Variants in PCDH9 observed in about 807,000 individuals in gnomAD.
The protein encoded by PCDH9 is protocadherin-9.
Under a neutral mutation model 70.6 loss-of-function variants are expected in PCDH9, and 24 were observed. The ratio of observed to expected loss-of-function variants is 0.34; its 90% CI spans 0.25 to 0.48. The LOEUF is 0.48. Ranked by LOEUF, PCDH9 falls within the 20% of genes least tolerant of loss-of-function variation. The probability of loss-of-function intolerance (pLI) is 0.99; values close to 1 mark genes in which losing one functional copy is unlikely to be tolerated. For synonymous variants in PCDH9, 562 were observed against 558.5 expected (o/e 1.01, Z -0.09); for missense variants, 1,281 against 1,503.6 (o/e 0.85, Z 2.45).
At chr13:66,568,972 C>G (rs760613505) in intron 4 of PCDH9, among the ~76,000 whole-genome samples, 1 of 140,372 alleles carries the variant, frequency 7.1e-6, no homozygotes, top group South Asian at 2.4e-4. Flanking sequence ...TTTCTATTAA[C>G]CTTCTGTTCT....
chr13:66,436,218 A>T (rs549954280), intron 4 of PCDH9, among the ~76,000 whole-genome samples: 6 of 152,280 alleles, frequency 3.9e-5, no homozygotes, highest in African/African-American at 1.4e-4. Flanking sequence ...TGATAAAGTC[A>T]TAAGGGCTTC....
chr13:66,433,090 G>T (rs1389139052), intron 4 of PCDH9, among the ~76,000 whole-genome samples: 2 of 151,882 alleles, frequency 1.3e-5, no homozygotes, highest in Non-Finnish European at 1.5e-5. Flanking sequence ...AAATGAAAGG[G>T]ATGCTTAAGC....
At chr13:66,391,832 G>C (rs1303632943) in intron 4 of PCDH9, among the ~76,000 whole-genome samples, 1 of 150,766 alleles carries the variant, frequency 6.6e-6, no homozygotes, top group Non-Finnish European at 1.5e-5. Context: ...TGTACAATTT[G>C]TGGTAAAAAT....
chr13:67,175,311 G>A (rs752295791), intron 2 of PCDH9, among the ~76,000 whole-genome samples: 18 of 152,022 alleles, frequency 1.2e-4, no homozygotes, highest in South Asian at 4.1e-4. Context: ...AACTTACTTC[G>A]TTTCTACCCA....
chr13:67,010,711 G>A (rs1437524711), intron 2 of PCDH9, among the ~76,000 whole-genome samples: 2 of 151,894 alleles, frequency 1.3e-5, no homozygotes, highest in Non-Finnish European at 2.9e-5. Context: ...TCTTGTCCTT[G>A]ATGACAAAAA....
At chr13:66,343,110 A>G (rs1956159178) in intron 4 of PCDH9, among the ~76,000 whole-genome samples, 1 of 152,168 alleles carries the variant, frequency 6.6e-6, no homozygotes, top group Admixed American at 6.6e-5. Context: ...CATATATTTA[A>G]TTCCATCAAT....
chr13:66,824,709 T>C (rs185293536), intron 3 of PCDH9, among the ~76,000 whole-genome samples: 17 of 134,522 alleles, frequency 1.3e-4, no homozygotes, highest in African/African-American at 3.5e-4. Context: ...CACACACACA[T>C]ATATATATAC....
intron 4 of PCDH9, among the ~76,000 whole-genome samples, chr13:66,386,674 G>T (rs184436829): frequency 8.0e-4 from 122 of 152,142 alleles, no homozygotes; most frequent in African/African-American, 2.8e-3. Context: ...TATTCATATA[G>T]TGATTGGCAG....
chr13:66,769,089 C>CA (rs1339326949), intron 3 of PCDH9, among the ~76,000 whole-genome samples: 2 of 152,038 alleles, frequency 1.3e-5, no homozygotes, highest in African/African-American at 4.8e-5. Context: ...TATCTCTACT[C>CA]AGACACTGAC....
intron 3 of PCDH9, among the ~76,000 whole-genome samples, chr13:66,848,927 CAAAA>C (rs745587776): frequency 3.9e-5 from 2 of 51,298 alleles, no homozygotes; most frequent in African/African-American, 8.1e-5. Flanking sequence ...GACTCCGTCT[CAAAA>C]AAAAAAAAAA....
At chr13:66,526,392 C>T (rs1190272369) in intron 4 of PCDH9, among the ~76,000 whole-genome samples, 1 of 151,958 alleles carries the variant, frequency 6.6e-6, no homozygotes, top group Admixed American at 6.6e-5. Context: ...ATGAAGACTC[C>T]CCTGAAGAGG....
At chr13:66,564,789 T>C (rs532640130) in intron 4 of PCDH9, among the ~76,000 whole-genome samples, 1 of 152,124 alleles carries the variant, frequency 6.6e-6, no homozygotes, top group Non-Finnish European at 1.5e-5. Flanking sequence ...AAGTGATTTT[T>C]CTACAGCTTT....
At chr13:66,485,736 A>AT (rs546500445) in intron 4 of PCDH9, among the ~76,000 whole-genome samples, 1 of 151,580 alleles carries the variant, frequency 6.6e-6, no homozygotes, top group Non-Finnish European at 1.5e-5. Context: ...TTATTTATTT[A>AT]TTTTTTATTT....
At chr13:66,939,693 C>T (rs1350416417) in intron 2 of PCDH9, among the ~76,000 whole-genome samples, 1 of 152,076 alleles carries the variant, frequency 6.6e-6, no homozygotes, top group Non-Finnish European at 1.5e-5. Context: ...GCTGGAATTA[C>T]AGGCATGAGT....
At chr13:66,994,724 T>C (rs1021152913) in intron 2 of PCDH9, among the ~76,000 whole-genome samples, 4 of 152,194 alleles carry the variant, frequency 2.6e-5, no homozygotes, top group African/African-American at 4.8e-5. Context: ...ATCTCCTTTT[T>C]TGAGTCTCCT....
At chr13:66,374,398 A>G (rs1335187406) in intron 4 of PCDH9, among the ~76,000 whole-genome samples, 1 of 151,998 alleles carries the variant, frequency 6.6e-6, no homozygotes. Flanking sequence ...TTAAAAAGAT[A>G]ATACTTTTAG....
intron 3 of PCDH9, among the ~76,000 whole-genome samples, chr13:66,632,044 C>T (rs1006853630): frequency 2.6e-5 from 4 of 152,168 alleles, no homozygotes; most frequent in Admixed American, 2.6e-4. Flanking sequence ...CAGGCGCATG[C>T]CACCATGCCC....
chr13:66,405,572 C>T (rs1042503644), intron 4 of PCDH9, among the ~76,000 whole-genome samples: 3 of 152,022 alleles, frequency 2.0e-5, no homozygotes, highest in Non-Finnish European at 4.4e-5. Context: ...TACTCATCTC[C>T]CCTTGATCTG....
intron 3 of PCDH9, among the ~76,000 whole-genome samples, chr13:66,646,291 C>T (rs1457039786): frequency 2.0e-5 from 3 of 152,150 alleles, no homozygotes; most frequent in African/African-American, 7.2e-5. Flanking sequence ...TGATACACTT[C>T]CATTGTTTCT....
Sources: allele counts gnomAD v4.1 joint callset (sites outside exome capture counted in the v4.1 genomes callset), GRCh38; gene constraint gnomAD v4.1.1; transcripts MANE v1.5; gene names NCBI Gene and HGNC (gene_info 2026-07-23, HGNC 2026-07-21).